Variants in REPS2 observed in about 807,000 individuals in gnomAD.
The protein encoded by REPS2 is RALBP1 associated Eps domain containing 2, also known as ralBP1-associated Eps domain-containing protein 2.
Under a neutral mutation model 53.6 loss-of-function variants are expected in REPS2, and 23 were observed. The observed-to-expected ratio is 0.43, with a 90% CI of 0.31 to 0.61. The LOEUF is 0.61. Ranked by LOEUF, REPS2 falls within the 20% of genes least tolerant of loss-of-function variation. REPS2 has a pLI of 0.11. For synonymous variants in REPS2, 238 were observed against 218.6 expected (o/e 1.09, Z -0.78); for missense variants, 446 against 534.9 (o/e 0.83, Z 1.64).
chrX:17,026,454 GT>G (rs781128245), intron 4 of REPS2, among the ~76,000 whole-genome samples: 990 of 93,254 alleles, frequency 0.011, 7 homozygotes, highest in East Asian at 0.032. Context: ...TCAGGAGTGG[GT>G]TTTTTTTTTT....
chrX:17,186,962 A>C, the REPS2 span, among the ~76,000 whole-genome samples: 1 of 111,520 alleles, frequency 9.0e-6, no homozygotes, highest in East Asian at 2.8e-4. Flanking sequence ...ATAAAAAAAA[A>C]ACTACATATT....
At chrX:17,049,355 T>TTC (rs1359109432) in intron 6 of REPS2, among the ~76,000 whole-genome samples, 2 of 112,014 alleles carry the variant, frequency 1.8e-5, no homozygotes, top group Non-Finnish European at 3.8e-5. Context: ...TATTGTCCTC[T>TTC]TCTAGTCACC....
chrX:17,055,442 A>G (rs2062055463), intron 8 of REPS2, among the ~76,000 whole-genome samples: 3 of 59,767 alleles, frequency 5.0e-5, no homozygotes, highest in African/African-American at 6.6e-5. Context: ...TATGTCCTGA[A>G]TGGTAATGCC....
chrX:17,110,310 C>CTTT (rs202016963), intron 14 of REPS2, among the ~76,000 whole-genome samples: 1 of 86,512 alleles, frequency 1.2e-5, no homozygotes, highest in African/African-American at 4.2e-5. Context: ...TTAGATTTCA[C>CTTT]TTTTTTTTTT....
intron 13 of REPS2, among the ~76,000 whole-genome samples, chrX:17,086,412 C>A (rs1245428598): frequency 8.9e-6 from 1 of 112,444 alleles, no homozygotes; most frequent in Non-Finnish European, 1.9e-5. Context: ...GTTTTATCAG[C>A]TATTGATCAT....
rs1162932789 is a variant in REPS2, at chrX:16,999,368, ATTTTTTTTTTTTTT to A, written c.274-6842_274-6829del. 5.6e-4 allele frequency among the ~76,000 whole-genome samples: 35 copies of A among 62,733 alleles called. No homozygotes were observed. The Admixed American group carries it at 5.6e-3, about 10-fold the overall frequency. The allele number at this position is 62,733 out of a possible 115,157, so 54.5% of individuals were successfully genotyped here. The stretch of plus-strand genomic sequence containing the variant: ...TTTGCTTCCACTAGTGATGTTCCTG[ATTTTTTTTTTTTTT>A]TTTTTTTTTTGCACAGAGTCTTTTC... On this transcript the variant is annotated intron_variant, in intron 1 of 17. Coordinates refer to ENST00000357277, the MANE Select transcript of REPS2 (RefSeq NM_004726.3).
chrX:16,975,035 A>G (rs1000476265), intron 1 of REPS2, among the ~76,000 whole-genome samples: 6 of 111,573 alleles, frequency 5.4e-5, no homozygotes, highest in Non-Finnish European at 1.1e-4. Context: ...GTTCCTGCAA[A>G]GGACATGAGC....
chrX:17,174,312 C>T, the REPS2 span, among the ~76,000 whole-genome samples: 2 of 112,235 alleles, frequency 1.8e-5, no homozygotes, highest in East Asian at 5.6e-4. Flanking sequence ...AATGCTTGGG[C>T]CCGTACTTGA....
intron 9 of REPS2, among the ~76,000 whole-genome samples, chrX:17,064,786 C>T (rs1270000893): frequency 8.9e-6 from 1 of 112,102 alleles, no homozygotes; most frequent in Non-Finnish European, 1.9e-5. Context: ...ACTTCCTATT[C>T]CACTGTCTCT....
chrX:17,007,512 A>G (rs1337343293), intron 2 of REPS2, among the ~76,000 whole-genome samples: 1 of 111,963 alleles, frequency 8.9e-6, no homozygotes, highest in Non-Finnish European at 1.9e-5. Flanking sequence ...GCTGCCCTCT[A>G]TGTGGTGACC....
the REPS2 span, among the ~76,000 whole-genome samples, chrX:17,174,281 C>A: frequency 3.7e-4 from 41 of 111,985 alleles, no homozygotes; most frequent in South Asian, 4.1e-3. Flanking sequence ...CTTACACTAC[C>A]TCGCGTACAT....
At chrX:17,167,225 C>CCAA in the REPS2 span, among the ~76,000 whole-genome samples, 4 of 112,054 alleles carry the variant, frequency 3.6e-5, no homozygotes, top group African/African-American at 1.3e-4. Context: ...ACAATGTTTT[C>CCAA]AGAGATTGCC....
chrX:17,100,210 C>T, intron 13 of REPS2: 1 of 594,851 alleles, frequency 1.7e-6, no homozygotes, highest in Non-Finnish European at 2.9e-6. Flanking sequence ...GGAGGTACTC[C>T]ACTTTGCCCT....
intron 1 of REPS2, among the ~76,000 whole-genome samples, chrX:16,965,362 G>A (rs2060742953): frequency 1.8e-5 from 2 of 113,149 alleles, no homozygotes; most frequent in African/African-American, 6.4e-5. Context: ...CCGGGCGGGG[G>A]GCTGACCCCC....
At chrX:17,092,774 T>C (rs1307041611) in intron 13 of REPS2, among the ~76,000 whole-genome samples, 1 of 105,485 alleles carries the variant, frequency 9.5e-6, no homozygotes, top group Non-Finnish European at 1.9e-5. Flanking sequence ...AGCTATTTTT[T>C]TTCTTTTTTT....
At chrX:17,100,526 C>T (rs960383966) in intron 13 of REPS2, among the ~76,000 whole-genome samples, 2 of 112,366 alleles carry the variant, frequency 1.8e-5, no homozygotes, top group African/African-American at 3.2e-5. Flanking sequence ...GCCCTGCACT[C>T]TGTGCTGCCC....
rs188712497 is a variant in REPS2 at position 17,151,416 on chromosome X, G to A, written c.*3935G>A. 8.9e-6 allele frequency: 1 copy of A among 112,629 alleles called. No individual in the cohort carries two copies. The highest frequency in any genetic ancestry group is 9.4e-5 in the Admixed American group (1 of 10,651). 9.3% of individuals were successfully genotyped at this position (112,629 alleles called of 1,213,427 possible). A position where few individuals can be genotyped will look rare whatever the true frequency, so the allele number is the denominator to read the frequency against. On this transcript the variant is annotated 3_prime_UTR_variant, in exon 18 of 18. Transcript: ENST00000357277. ...GGTAATAATAGATGTGTACTCAGAA[G>A]ATCAATAAGGTAATATTGGAATTCA... is the stretch of plus-strand genomic sequence containing the variant.
At position 17,116,158 on chromosome X, in the gene REPS2, T is replaced by C. The variant is rs960710764; in HGVS notation, c.1578+12379T>C. Among the ~76,000 whole-genome samples the C allele has an allele frequency of 9.0e-5, 10 of 111,443 alleles. No individual in the cohort carries two copies. The Admixed American group carries it at 9.6e-4, about 11-fold the overall frequency. ...TATTTCTTCTGTTTTCTTCTGGAAC[T>C]AACTATATTTCTGTCAACACATTTA... On this transcript the variant is annotated intron_variant, in intron 14 of 17. Coordinates refer to ENST00000357277, the MANE Select transcript of REPS2 (RefSeq NM_004726.3).
chrX:17,106,012 C>T (rs918843005), intron 14 of REPS2, among the ~76,000 whole-genome samples: 2 of 111,696 alleles, frequency 1.8e-5, no homozygotes, highest in African/African-American at 3.3e-5. Flanking sequence ...CTGGGAGAGT[C>T]GCTGTGCAAG....
Sources: gnomAD v4.1 joint callset for allele counts (sites outside exome capture counted in the v4.1 genomes callset) on GRCh38, gnomAD v4.1.1 for gene constraint, MANE v1.5 for transcripts, NCBI Gene and HGNC (gene_info 2026-07-23, HGNC 2026-07-21) for gene names.